CPQ: variants seen among roughly 807,000 people sequenced by gnomAD.
CPQ encodes carboxypeptidase Q, also known as Ser-Met dipeptidase.
A neutral mutation model predicts 45.7 loss-of-function variants in CPQ; 37 were observed. The ratio of observed to expected loss-of-function variants is 0.81; its 90% CI spans 0.62 to 1.07. The LOEUF is 1.07. CPQ is among the 50% of genes least tolerant of loss of function. The pLI, the probability that CPQ is intolerant of heterozygous loss-of-function variation, is 0.00. For missense variants in CPQ, 537 were observed against 572.9 expected, an observed-to-expected ratio of 0.94 and a Z score of 0.64; for synonymous variants, 186 against 205.8, an observed-to-expected ratio of 0.90 and a Z score of 0.82.
At chr8:96,900,521 G>T (rs1812500545) in intron 4 of CPQ, among the ~76,000 whole-genome samples, 1 of 152,168 alleles carries the variant, frequency 6.6e-6, no homozygotes, top group African/African-American at 2.4e-5. Context: ...TTGGTTGTTT[G>T]AAAGTTGAGC....
chr8:97,117,039 G>C (rs1278848414), intron 7 of CPQ, among the ~76,000 whole-genome samples: 1 of 152,164 alleles, frequency 6.6e-6, no homozygotes, highest in Non-Finnish European at 1.5e-5. Context: ...AATGACCTTT[G>C]TTTACGTGTG....
chr8:97,083,760 C>T (rs536360028), intron 7 of CPQ, among the ~76,000 whole-genome samples: 1 of 152,128 alleles, frequency 6.6e-6, no homozygotes, highest in South Asian at 2.1e-4. Flanking sequence ...CTCTCACAGG[C>T]GACATCAAGT....
chr8:96,685,528 A>G (rs1809215881), intron 1 of CPQ, among the ~76,000 whole-genome samples: 1 of 151,926 alleles, frequency 6.6e-6, no homozygotes, highest in Non-Finnish European at 1.5e-5. Flanking sequence ...TGACATTAAA[A>G]TTTTCTAACT....
At chr8:96,865,007 A>G (rs781705232) in intron 3 of CPQ, among the ~76,000 whole-genome samples, 1 of 152,056 alleles carries the variant, frequency 6.6e-6, no homozygotes, top group East Asian at 1.9e-4. Flanking sequence ...ATTATTGTGT[A>G]AAGTAGGTAA....
chr8:97,137,958 G>A (rs1042171652), intron 7 of CPQ, among the ~76,000 whole-genome samples: 1 of 152,010 alleles, frequency 6.6e-6, no homozygotes, highest in African/African-American at 2.4e-5. Flanking sequence ...AGGTCAAGAT[G>A]TCATCATCTG....
chr8:97,060,750 G>A (rs1232777714), intron 6 of CPQ, among the ~76,000 whole-genome samples: 5 of 152,138 alleles, frequency 3.3e-5, no homozygotes, highest in Non-Finnish European at 7.4e-5. Context: ...GGTGAAATGA[G>A]CATTACTCTG....
chr8:96,770,696 TA>T (rs1810531056), intron 1 of CPQ, among the ~76,000 whole-genome samples: 1 of 147,012 alleles, frequency 6.8e-6, no homozygotes, highest in South Asian at 2.1e-4. Flanking sequence ...AAATGAGTGT[TA>T]TTTTATATAT....
chr8:97,037,183 G>GT, intron 6 of CPQ, among the ~76,000 whole-genome samples: 1 of 152,286 alleles, frequency 6.6e-6, no homozygotes, highest in Admixed American at 6.5e-5. Flanking sequence ...TAGGTTTCAT[G>GT]TTTCACTCTA....
intron 7 of CPQ, among the ~76,000 whole-genome samples, chr8:97,081,220 G>A (rs1474953358): frequency 6.6e-6 from 1 of 152,062 alleles, no homozygotes; most frequent in African/African-American, 2.4e-5. Flanking sequence ...ACTGCGAAGT[G>A]CACTGCAGAA....
chr8:97,141,233 C>T (rs866817123), intron 7 of CPQ, among the ~76,000 whole-genome samples: 6 of 151,936 alleles, frequency 3.9e-5, no homozygotes, highest in Admixed American at 3.9e-4. Flanking sequence ...AAAACACACA[C>T]TAAACAGGGT....
At chr8:96,680,062 A>G (rs2130728041) in intron 1 of CPQ, among the ~76,000 whole-genome samples, 2 of 152,136 alleles carry the variant, frequency 1.3e-5, no homozygotes, top group African/African-American at 4.8e-5. Context: ...ATTGCTATAA[A>G]CTTCCCTCTT....
chr8:96,934,517 C>T (rs925450644), intron 4 of CPQ, among the ~76,000 whole-genome samples: 2 of 152,144 alleles, frequency 1.3e-5, no homozygotes, highest in Non-Finnish European at 1.5e-5. Context: ...ATAGGAAGGT[C>T]TTGACTTCAG....
intron 1 of CPQ, among the ~76,000 whole-genome samples, chr8:96,648,322 G>A (rs1001654545): frequency 6.6e-6 from 1 of 152,056 alleles, no homozygotes; most frequent in Admixed American, 6.6e-5. Flanking sequence ...AAACATTAAA[G>A]CAACAATTTT....
In CPQ at chr8:96,772,421, G is replaced by A. The variant is rs566340802; in HGVS notation, c.-34-12443G>A. Among the ~76,000 whole-genome samples the A allele has an allele frequency of 7.9e-5, 12 of 152,106 alleles. No individual in the cohort carries two copies. The East Asian group carries it at 9.6e-4, about 12-fold the overall frequency. Reference sequence around the variant, plus strand: ...CAGACTCTGGAAGAAAACTCTTGACGGGGTATGGATGTATTGAGTTTGGGG... The same window carrying A: ...CAGACTCTGGAAGAAAACTCTTGACAGGGTATGGATGTATTGAGTTTGGGG... On this transcript the variant is annotated intron_variant, in intron 1 of 7. Transcript: ENST00000220763.
At chr8:97,051,712 C>T (rs1348108677) in intron 6 of CPQ, among the ~76,000 whole-genome samples, 4 of 152,174 alleles carry the variant, frequency 2.6e-5, no homozygotes, top group Non-Finnish European at 5.9e-5. Flanking sequence ...AACTATTATT[C>T]CCATTTTACA....
At position 96,668,469 on chromosome 8, in the gene CPQ, A is replaced by G. The variant is rs889947807; in HGVS notation, c.-35+23067A>G. On this transcript the variant is annotated intron_variant, in intron 1 of 7. Coordinates refer to ENST00000220763, the MANE Select transcript of CPQ (RefSeq NM_016134.4). ...TTGAAGAAGGGAGTAATTTATTCTG[A>G]CTCGGGTAGCTCAGAAGAGGATTCA... 3.1e-4 allele frequency among the ~76,000 whole-genome samples: 47 copies of G among 152,290 alleles called. 1 individual carries two copies. The highest frequency in any genetic ancestry group is 1.1e-3 in the African/African-American group (46 of 41,546).
chr8:96,890,091 A>G (rs1470309221), intron 4 of CPQ, among the ~76,000 whole-genome samples: 1 of 152,236 alleles, frequency 6.6e-6, no homozygotes, highest in African/African-American at 2.4e-5. Context: ...TGCCTAATAT[A>G]ATACAGCTAT....
chr8:96,836,705 C>T (rs144829053), intron 3 of CPQ, among the ~76,000 whole-genome samples: 51 of 152,098 alleles, frequency 3.4e-4, no homozygotes, highest in African/African-American at 1.1e-3. Context: ...GGGTGATTGC[C>T]AGAAACCTTT....
chr8:96,801,867 G>A (rs1008568395), intron 2 of CPQ, among the ~76,000 whole-genome samples: 1 of 152,120 alleles, frequency 6.6e-6, no homozygotes, highest in African/African-American at 2.4e-5. Context: ...GTTAATAACT[G>A]TAGATTCTTG....
Sources: gnomAD v4.1 joint callset for allele counts (sites outside exome capture counted in the v4.1 genomes callset) on GRCh38, gnomAD v4.1.1 for gene constraint, MANE v1.5 for transcripts, NCBI Gene and HGNC (gene_info 2026-07-23, HGNC 2026-07-21) for gene names.